Variants in HDAC9 observed in about 807,000 individuals in gnomAD.
The protein encoded by HDAC9 is MEF-2 interacting transcription repressor (MITR) protein.
Under a neutral mutation model 139.4 loss-of-function variants are expected in HDAC9, and 41 were observed. That is an observed-to-expected ratio of 0.29 (90% CI 0.23 to 0.38). The LOEUF (loss-of-function observed/expected upper bound fraction) is 0.38. Among genes scored for constraint, HDAC9 ranks in the 10% least tolerant of loss-of-function variants. The pLI is 1.00. For synonymous variants in HDAC9, 517 were observed against 476.2 expected, an observed-to-expected ratio of 1.09 and a Z score of -1.12; for missense variants, 1,147 against 1,297.0, an observed-to-expected ratio of 0.88 and a Z score of 1.78.
At chr7:18,216,356 C>T (rs1364782270) in intron 2 of HDAC9, among the ~76,000 whole-genome samples, 3 of 152,026 alleles carry the variant, frequency 2.0e-5, no homozygotes, top group African/African-American at 7.2e-5. Flanking sequence ...ACATAATCTG[C>T]CATCCCAATA....
At chr7:18,200,488 TTGGCC>T (rs1791041335) in intron 2 of HDAC9, among the ~76,000 whole-genome samples, 2 of 152,176 alleles carry the variant, frequency 1.3e-5, no homozygotes, top group Non-Finnish European at 2.9e-5. Flanking sequence ...TCAGTACTTT[TTGGCC>T]TGGCTCAAAT....
In HDAC9 at chr7:18,999,960, A is replaced by C. The variant is rs1372101784; in HGVS notation, c.*3898A>C. 2.0e-5 allele frequency: 3 copies of C among 152,184 alleles called. No individual in the cohort carries two copies. Among genetic ancestry groups the C allele is most frequent in the Non-Finnish European group, 4.4e-5 (3 of 68,034 alleles). 9.4% of individuals were successfully genotyped at this position (152,184 alleles called of 1,614,324 possible). A position where few individuals can be genotyped will look rare whatever the true frequency, so the allele number is the denominator to read the frequency against. On this transcript the variant is annotated 3_prime_UTR_variant, in exon 26 of 26. Coordinates refer to ENST00000686413, the MANE Select transcript of HDAC9 (RefSeq NM_178425.4). ...GTTTGACATTGTCATTTCTAGTGGC[A>C]TGTATCTTAACATTCTTTTCCTGCT...
intron 2 of HDAC9, among the ~76,000 whole-genome samples, chr7:18,535,124 A>G (rs1159380371): frequency 6.6e-6 from 1 of 151,962 alleles, no homozygotes; most frequent in Admixed American, 6.6e-5. Flanking sequence ...CTCACTTTCC[A>G]TCTTCAGCAA....
intron 5 of HDAC9, among the ~76,000 whole-genome samples, 199 bp downstream of exon 5, chr7:18,591,841 C>T (rs1376346037): frequency 2.0e-5 from 3 of 152,010 alleles, no homozygotes; most frequent in African/African-American, 2.4e-5. Flanking sequence ...GTTGCTGGCA[C>T]GGTCCTATAA....
chr7:18,282,634 A>G (rs1486390136), intron 2 of HDAC9, among the ~76,000 whole-genome samples: 1 of 152,156 alleles, frequency 6.6e-6, no homozygotes, highest in East Asian at 1.9e-4. Context: ...TTTGGTGAAG[A>G]ATTTATCCCC....
At position 18,666,452 on chromosome 7, in the gene HDAC9, G is replaced by A. The variant is rs1344895328; in HGVS notation, c.1707G>A (p.Gly569=). The part of the protein sequence containing the change: ...EDAQIQEMES[G]EQAAFMQQPF... ...CTCAGATCCAGGAAATGGAATCTGGGGAGCAGGCTGCTTTTATGCAACAGG... is the reference window on the plus strand; with the variant it reads ...CTCAGATCCAGGAAATGGAATCTGGAGAGCAGGCTGCTTTTATGCAACAGG... The change falls in exon 12 of 26, where the codon GGG becomes GGA. Residue 569 remains glycine (G), a synonymous_variant. Coordinates refer to ENST00000686413, the MANE Select transcript of HDAC9 (RefSeq NM_178425.4). 1 of 1,610,784 alleles carries A rather than the reference G, an allele frequency of 6.2e-7. No homozygotes were observed. Among genetic ancestry groups the A allele is most frequent in the African/African-American group, 1.3e-5 (1 of 74,980 alleles).
At chr7:18,933,290 T>A (rs1448241407) in intron 22 of HDAC9, among the ~76,000 whole-genome samples, 1 of 152,124 alleles carries the variant, frequency 6.6e-6, no homozygotes, top group Non-Finnish European at 1.5e-5. Flanking sequence ...ACAAGAGAAC[T>A]AGAGGACTCT....
At chr7:18,561,248 A>G (rs933070967) in intron 2 of HDAC9, among the ~76,000 whole-genome samples, 5 of 152,280 alleles carry the variant, frequency 3.3e-5, no homozygotes, top group African/African-American at 9.6e-5. Flanking sequence ...TGTAACCTGA[A>G]CGGCTAGAGT....
At chr7:18,235,589 T>G (rs1049724491) in intron 2 of HDAC9, among the ~76,000 whole-genome samples, 5 of 152,210 alleles carry the variant, frequency 3.3e-5, no homozygotes, top group African/African-American at 1.2e-4. Flanking sequence ...TTTATAAACT[T>G]TTAACCACTT....
chr7:18,386,123 C>G (rs572334495), intron 1 of HDAC9, among the ~76,000 whole-genome samples: 3 of 152,294 alleles, frequency 2.0e-5, no homozygotes, highest in East Asian at 3.9e-4. Context: ...CATTCAGGCT[C>G]AGCTTAACTC....
chr7:18,730,042 T>G (rs1195942784), intron 13 of HDAC9, among the ~76,000 whole-genome samples: 2 of 152,198 alleles, frequency 1.3e-5, no homozygotes, highest in Admixed American at 1.3e-4. Flanking sequence ...CATTTGAACT[T>G]ACAAGAATGT....
chr7:18,093,425 A>G (rs1009202571), intron 1 of HDAC9, among the ~76,000 whole-genome samples: 3 of 152,180 alleles, frequency 2.0e-5, no homozygotes, highest in African/African-American at 4.8e-5. Flanking sequence ...GGGTTCCATC[A>G]TTCAGCTTGA....
At chr7:18,285,205 T>G (rs1380029785) in intron 2 of HDAC9, among the ~76,000 whole-genome samples, 1 of 152,092 alleles carries the variant, frequency 6.6e-6, no homozygotes, top group Non-Finnish European at 1.5e-5. Flanking sequence ...TTCTAAGACT[T>G]GGGTCATTAA....
At chr7:18,312,348 G>A (rs1396014939) in intron 1 of HDAC9, among the ~76,000 whole-genome samples, 1 of 152,120 alleles carries the variant, frequency 6.6e-6, no homozygotes, top group Admixed American at 6.5e-5. Context: ...ATGCTATGCT[G>A]TGTGTGTCTG....
At chr7:18,643,193 T>C (rs1456361204) in intron 8 of HDAC9, among the ~76,000 whole-genome samples, 1 of 152,192 alleles carries the variant, frequency 6.6e-6, no homozygotes, top group Non-Finnish European at 1.5e-5. Flanking sequence ...GCTTGCCTTT[T>C]TGTGTACAGC....
intron 1 of HDAC9, among the ~76,000 whole-genome samples, chr7:18,387,974 G>A (rs1047941833): frequency 9.9e-5 from 15 of 151,578 alleles, no homozygotes; most frequent in East Asian, 3.9e-4. Flanking sequence ...TTCCATTCAC[G>A]TTAGATTGCA....
chr7:18,533,930 A>AT lies in HDAC9; in HGVS notation c.22+37615dup, dbSNP rs201898079. ...AGTTTTTAATTTCAAAGAGTTTAAA[A>AT]TTTTTTTTTAAGTTTTTCATCAAAG... is the stretch of plus-strand genomic sequence containing the variant. On this transcript the variant is annotated intron_variant, in intron 2 of 25. Transcript: ENST00000686413. 3.9e-3 allele frequency among the ~76,000 whole-genome samples: 588 copies of AT among 151,758 alleles called. 5 individuals carry two copies. The highest frequency in any genetic ancestry group is 0.013 in the African/African-American group (546 of 41,388).
intron 1 of HDAC9, among the ~76,000 whole-genome samples, chr7:18,092,037 A>G (rs1782187317): frequency 1.3e-5 from 2 of 152,198 alleles, no homozygotes; most frequent in African/African-American, 2.4e-5. Flanking sequence ...ATACAAGGGC[A>G]TGACTCCTTG....
intron 1 of HDAC9, among the ~76,000 whole-genome samples, chr7:18,447,068 C>A (rs557752519): frequency 4.3e-4 from 66 of 152,130 alleles, no homozygotes; most frequent in Non-Finnish European, 7.1e-4. Flanking sequence ...ATTCTTTCAA[C>A]CCTAAAAATA....
Sources: allele counts gnomAD v4.1 joint callset (sites outside exome capture counted in the v4.1 genomes callset), GRCh38; gene constraint gnomAD v4.1.1; transcripts MANE v1.5; gene names NCBI Gene and HGNC (gene_info 2026-07-23, HGNC 2026-07-21).